The following CCN5 variants were observed in gnomAD, a reference collection of about 807,000 sequenced individuals.
CCN5 encodes the protein CCN family member 5.
A neutral mutation model predicts 18.7 loss-of-function variants in CCN5; 17 were observed. The observed-to-expected ratio is 0.91, with a 90% CI of 0.62 to 1.36. The LOEUF (loss-of-function observed/expected upper bound fraction) is 1.36, where lower values mean the gene tolerates loss of function less well. Among genes scored for constraint, CCN5 ranks in the 40% most tolerant of loss-of-function variants. CCN5 has a pLI of 0.00. For missense variants in CCN5, 367 were observed against 342.9 expected, an observed-to-expected ratio of 1.07 and a Z score of -0.56; for synonymous variants, 135 against 145.2, an observed-to-expected ratio of 0.93 and a Z score of 0.50.
At chr20:44,717,933 T>C (rs2065871700) in intron 1 of CCN5, among the ~76,000 whole-genome samples, 1 of 151,702 alleles carries the variant, frequency 6.6e-6, no homozygotes, top group African/African-American at 2.4e-5. Flanking sequence ...AGATTCGGAT[T>C]TATTATATAA....
intron 3 of CCN5, 62 bp downstream of exon 3, chr20:44,725,054 G>T (rs182184581): frequency 7.6e-6 from 11 of 1,453,808 alleles, no homozygotes; most frequent in South Asian, 3.0e-5. Flanking sequence ...GGCCACCTAG[G>T]GGGTGGGGTG....
At chr20:44,721,708 A>T (rs2065901310) in intron 2 of CCN5, among the ~76,000 whole-genome samples, 1 of 152,190 alleles carries the variant, frequency 6.6e-6, no homozygotes, top group South Asian at 2.1e-4. Flanking sequence ...ACACGTGTAA[A>T]CAGCACCCAC....
At chr20:44,718,784 C>A (rs1010133039) in intron 1 of CCN5, among the ~76,000 whole-genome samples, 1 of 152,226 alleles carries the variant, frequency 6.6e-6, no homozygotes, top group Admixed American at 6.5e-5. Context: ...GTTTCCCCAT[C>A]CGTACCTGGC....
chr20:44,723,588 T>C (rs1226027066), intron 2 of CCN5: 1 of 152,142 alleles, frequency 6.6e-6, no homozygotes, highest in Non-Finnish European at 1.5e-5. Flanking sequence ...TAATGAGTCC[T>C]TTCCCCAGAC....
Position 44,724,867 on chromosome 20 carries a change from A to AG in CCN5, c.409dup (p.Asp137GlyfsTer24). 1.3e-6 allele frequency: 2 copies of AG among 1,596,170 alleles called. No individual in the cohort carries two copies. Among genetic ancestry groups the AG allele is most frequent in the Non-Finnish European group, 1.7e-6 (2 of 1,172,504 alleles). On this transcript the variant is annotated frameshift_variant, in exon 3 of 4. Coordinates refer to ENST00000190983, the MANE Select transcript of CCN5 (RefSeq NM_003881.4). LOFTEE classifies it high-confidence loss of function. ...TTCACCTGCGTGCCGCTGTGCAGCGAGGATGTGCGGCTGCCCAGCTGGGAC... is the reference window on the plus strand; with the variant it reads ...TTCACCTGCGTGCCGCTGTGCAGCGAGGGATGTGCGGCTGCCCAGCTGGGAC...
At chr20:44,726,161 G>C (rs1179272213) in intron 3 of CCN5, among the ~76,000 whole-genome samples, 1 of 152,212 alleles carries the variant, frequency 6.6e-6, no homozygotes, top group Non-Finnish European at 1.5e-5. Flanking sequence ...AGCAGCTGTA[G>C]CAGTGCCTGG....
intron 1 of CCN5, among the ~76,000 whole-genome samples, chr20:44,717,031 G>A (rs970425267): frequency 1.3e-5 from 2 of 152,240 alleles, no homozygotes; most frequent in South Asian, 2.1e-4. Flanking sequence ...CAGATATCAT[G>A]AGCCTTGCCC....
rs529992674 is a variant in CCN5, at chr20:44,724,329, C to T, written c.278-409C>T. ...ATAGTAACTATACTAATGATAATAA[C>T]AGAGTAGCTAGGACCTATGGAAGGT... On this transcript the variant is annotated intron_variant, in intron 2 of 3. Transcript: ENST00000190983. 2.1e-4 allele frequency: 39 copies of T among 188,040 alleles called. 2 individuals are homozygous for T. Among genetic ancestry groups the T allele is most frequent in the Middle Eastern group, 2.1e-3 (1 of 466 alleles). 11.6% of individuals were successfully genotyped at this position (188,040 alleles called of 1,614,324 possible). A position where few individuals can be genotyped will look rare whatever the true frequency, so the allele number is the denominator to read the frequency against.
At chr20:44,725,763 G>T (rs2065932173) in intron 3 of CCN5, among the ~76,000 whole-genome samples, 1 of 136,928 alleles carries the variant, frequency 7.3e-6, no homozygotes, top group Non-Finnish European at 1.6e-5. Context: ...AGGCAAAGTG[G>T]CTGCTCTGGA....
chr20:44,719,888 T>A lies in CCN5; in HGVS notation c.61-9T>A, dbSNP rs1218393556. 6.2e-7 allele frequency: 1 copy of A among 1,608,818 alleles called. No individual in the cohort carries two copies. The highest frequency in any genetic ancestry group is 8.5e-7 in the Non-Finnish European group (1 of 1,178,542). The stretch of plus-strand genomic sequence containing the variant: ...AGCCCGTGGCTGAGTGAGGTCTCTG[T>A]CTCTTCAGGTGCGTACCCAGCTGTG... On this transcript the variant is annotated splice_polypyrimidine_tract_variant and intron_variant, in intron 1 of 3. Coordinates refer to ENST00000190983, the MANE Select transcript of CCN5 (RefSeq NM_003881.4).
intron 1 of CCN5, among the ~76,000 whole-genome samples, chr20:44,717,642 C>T (rs531950165): frequency 2.6e-5 from 4 of 151,928 alleles, no homozygotes; most frequent in Non-Finnish European, 5.9e-5. Context: ...TTTGGGAGGC[C>T]GAGGTGGGTG....
At chr20:44,715,122 A>T (rs1248442021), upstream of CCN5, 1 of 475,594 alleles carries the variant, frequency 2.1e-6, no homozygotes, top group Admixed American at 3.4e-5. Flanking sequence ...ACACACACGG[A>T]CAGGCACCCC....
chr20:44,718,927 G>A lies in CCN5; in HGVS notation c.61-970G>A, dbSNP rs78187881. Among the ~76,000 whole-genome samples, 574 of 152,326 alleles carry A rather than the reference G, an allele frequency of 3.8e-3. 3 individuals carry two copies. The highest frequency in any genetic ancestry group is 0.013 in the African/African-American group (549 of 41,566). On this transcript the variant is annotated intron_variant, in intron 1 of 3. Coordinates refer to ENST00000190983, the MANE Select transcript of CCN5 (RefSeq NM_003881.4). ...CTTCTGATTTTGTAAGCCCCAGAGT[G>A]GGTTGGGGGTCTGTATTTTCCCAAG...
chr20:44,724,561 G>A, intron 2 of CCN5, 177 bp from the exon 3 acceptor site: 1 of 921,462 alleles, frequency 1.1e-6, no homozygotes, highest in Non-Finnish European at 1.6e-6. Flanking sequence ...CCGGGATCCA[G>A]GGTGCCCCAG....
Position 44,715,446 on chromosome 20 carries a change from C to G in CCN5, c.56C>G (p.Ser19Ter). The change falls in exon 1 of 4, where the codon TCA becomes TGA. Residue 19 changes from serine (S) to a stop codon, truncating the protein, a stop_gained. Coordinates refer to ENST00000190983, the MANE Select transcript of CCN5 (RefSeq NM_003881.4). LOFTEE classifies it high-confidence loss of function. Reference sequence around the variant, plus strand: ...GCCTTCTCCCTCCTCTGCCTCCTCTCAAAGGTAAGGAGGCCCGGGCCCTGG... The same window carrying G: ...GCCTTCTCCCTCCTCTGCCTCCTCTGAAAGGTAAGGAGGCCCGGGCCCTGG... ...LLAFSLLCLL[S>*]KVRTQLCPTP... The G allele has an allele frequency of 1.3e-6, 2 of 1,593,932 alleles. No individual in the cohort carries two copies. Among genetic ancestry groups the G allele is most frequent in the Non-Finnish European group, 1.7e-6 (2 of 1,170,202 alleles).
Position 44,727,528 on chromosome 20 carries a change from TC to T in CCN5, c.*222del. The T allele has an allele frequency of 7.2e-7, 1 of 1,387,740 alleles. No homozygotes were observed. Among genetic ancestry groups the T allele is most frequent in the Non-Finnish European group, 9.4e-7 (1 of 1,068,014 alleles). The allele number at this position is 1,387,740 out of a possible 1,614,324, so 86.0% of individuals were successfully genotyped here. A position where few individuals can be genotyped will look rare whatever the true frequency, so the allele number is the denominator to read the frequency against. On this transcript the variant is annotated 3_prime_UTR_variant, in exon 4 of 4. Coordinates refer to ENST00000190983, the MANE Select transcript of CCN5 (RefSeq NM_003881.4). ...AAGACCTAGTCCCCTTTCCTCTAAC[TC>T]ACTGCCTAGGAGGCTGGCCAAGGTG...
intron 3 of CCN5, 128 bp from the exon 4 acceptor site, chr20:44,726,959 A>G: frequency 4.4e-6 from 4 of 916,128 alleles, no homozygotes; most frequent in Non-Finnish European, 4.9e-6. Flanking sequence ...AGAAATTTAC[A>G]TAACAAGAAA....
Position 44,720,024 on chromosome 20 carries a change from C to T in CCN5, c.188C>T (p.Pro63Leu), listed in dbSNP as rs373314539. ...CRVCARRLGEPCDQLHVCDAS... is the reference protein window; with the variant it reads ...CRVCARRLGELCDQLHVCDAS... ...GTATGTGCACGGCGGCTGGGGGAGCCCTGCGACCAACTCCACGTCTGCGAC... is the reference window on the plus strand; with the variant it reads ...GTATGTGCACGGCGGCTGGGGGAGCTCTGCGACCAACTCCACGTCTGCGAC... The change falls in exon 2 of 4, where the codon CCC (proline) becomes CTC (leucine). Residue 63 changes from proline (P) to leucine (L), a missense_variant. Physicochemically the swap from Pro to Leu is moderately conservative, Grantham distance 98. Coordinates refer to ENST00000190983, the MANE Select transcript of CCN5 (RefSeq NM_003881.4). 4.4e-6 allele frequency: 7 copies of T among 1,606,234 alleles called. No individual in the cohort carries two copies. The highest frequency in any genetic ancestry group is 5.9e-6 in the Non-Finnish European group (7 of 1,178,722).
chr20:44,719,818 G>A, intron 1 of CCN5, 79 bp from the exon 2 acceptor site: 5 of 1,452,686 alleles, frequency 3.4e-6, no homozygotes, highest in Non-Finnish European at 4.7e-6. Flanking sequence ...TACCCAGCCT[G>A]GCAGAGAAGT....
Sources: gnomAD v4.1 joint callset for allele counts (sites outside exome capture counted in the v4.1 genomes callset) on GRCh38, gnomAD v4.1.1 for gene constraint, MANE v1.5 for transcripts, NCBI Gene and HGNC (gene_info 2026-07-23, HGNC 2026-07-21) for gene names.